Variants in DOCK4 observed in about 807,000 individuals in gnomAD.
DOCK4 encodes dedicator of cytokinesis 4.
A neutral mutation model predicts 268.1 loss-of-function variants in DOCK4; 97 were observed. The observed-to-expected ratio is 0.36, with a 90% CI of 0.31 to 0.43. DOCK4 has a LOEUF of 0.43. DOCK4 is among the 20% of genes least tolerant of loss of function. DOCK4 has a pLI of 1.00. For missense variants in DOCK4, 2,145 were observed against 2,455.7 expected, an observed-to-expected ratio of 0.87 and a Z score of 2.67; for synonymous variants, 954 against 887.2, an observed-to-expected ratio of 1.08 and a Z score of -1.34.
intron 1 of DOCK4, among the ~76,000 whole-genome samples, chr7:112,015,977 G>A (rs1430403200): frequency 1.3e-5 from 2 of 152,150 alleles, no homozygotes; most frequent in African/African-American, 4.8e-5. Context: ...CATTTCTTAA[G>A]GTCCCACCTC....
At chr7:111,833,032 T>G (rs1802963300) in intron 26 of DOCK4, among the ~76,000 whole-genome samples, 2 of 152,214 alleles carry the variant, frequency 1.3e-5, no homozygotes. Context: ...ATTCCCAGGC[T>G]CCATAAAAAT....
intron 26 of DOCK4, among the ~76,000 whole-genome samples, chr7:111,832,856 C>T (rs1802949176): frequency 6.6e-6 from 1 of 152,212 alleles, no homozygotes; most frequent in Non-Finnish European, 1.5e-5. Context: ...TATAATTGTC[C>T]TTGGAAGAGG....
In DOCK4 at chr7:112,149,367, G is replaced by A. The variant is rs113783418; in HGVS notation, c.37+56735C>T. Reference sequence around the variant, plus strand: ...AGGACAATCATGTTTTCAGCAACTGGGCCTTTCAGAGTACAGATTCTGAGC... The same window carrying A: ...AGGACAATCATGTTTTCAGCAACTGAGCCTTTCAGAGTACAGATTCTGAGC... On this transcript the variant is annotated intron_variant, in intron 1 of 52. Coordinates refer to ENST00000428084, the MANE Select transcript of DOCK4 (RefSeq NM_001363540.2). 6.7e-3 allele frequency among the ~76,000 whole-genome samples: 1,025 copies of A among 152,096 alleles called. 17 individuals are homozygous for A. The highest frequency in any genetic ancestry group is 4.4e-3 in the Non-Finnish European group (302 of 67,988).
At chr7:112,029,254 A>G (rs998589249) in intron 1 of DOCK4, among the ~76,000 whole-genome samples, 13 of 152,210 alleles carry the variant, frequency 8.5e-5, no homozygotes, top group Admixed American at 7.9e-4. Flanking sequence ...CAAAATCTCA[A>G]TTAAACCTTC....
chr7:111,756,698 C>G (rs923553080), intron 41 of DOCK4, among the ~76,000 whole-genome samples: 2 of 151,750 alleles, frequency 1.3e-5, no homozygotes, highest in African/African-American at 2.4e-5. Flanking sequence ...AAGTGTATTC[C>G]CAAGAGGATA....
chr7:112,185,042 C>T (rs1432045127), intron 1 of DOCK4, among the ~76,000 whole-genome samples: 1 of 152,134 alleles, frequency 6.6e-6, no homozygotes, highest in Non-Finnish European at 1.5e-5. Flanking sequence ...AGCTTAGGAC[C>T]CTTCCCACAC....
At chr7:112,161,181 T>G (rs1042594963) in intron 1 of DOCK4, among the ~76,000 whole-genome samples, 2 of 152,146 alleles carry the variant, frequency 1.3e-5, no homozygotes, top group African/African-American at 4.8e-5. Context: ...TCTAGAACAC[T>G]GAACATATTT....
At chr7:111,908,127 T>C (rs1010114321) in intron 13 of DOCK4, among the ~76,000 whole-genome samples, 2 of 152,162 alleles carry the variant, frequency 1.3e-5, no homozygotes, top group Non-Finnish European at 2.9e-5. Context: ...TCTGTTGATG[T>C]GTATTTCTCT....
intron 1 of DOCK4, among the ~76,000 whole-genome samples, chr7:112,093,119 T>C (rs1478126830): frequency 2.0e-5 from 3 of 152,174 alleles, no homozygotes; most frequent in Non-Finnish European, 4.4e-5. Flanking sequence ...GGTATGCTGC[T>C]GCATCCTTAA....
At chr7:112,169,981 A>G (rs1327191517) in intron 1 of DOCK4, among the ~76,000 whole-genome samples, 1 of 152,196 alleles carries the variant, frequency 6.6e-6, no homozygotes, top group Non-Finnish European at 1.5e-5. Flanking sequence ...TGGGTCTCAC[A>G]GGTTCCAGAT....
intron 1 of DOCK4, among the ~76,000 whole-genome samples, chr7:112,096,670 T>C (rs1351420982): frequency 6.6e-6 from 1 of 152,228 alleles, no homozygotes; most frequent in Non-Finnish European, 1.5e-5. Flanking sequence ...GCCTTTGAAT[T>C]CTACCCAGGA....
chr7:111,972,261 G>A (rs889790817), intron 8 of DOCK4, among the ~76,000 whole-genome samples: 1 of 152,034 alleles, frequency 6.6e-6, no homozygotes, highest in African/African-American at 2.4e-5. Context: ...ATTCTGATGC[G>A]ACTGCTGGTG....
At chr7:111,961,964 A>ATATATAC (rs1330550178) in intron 8 of DOCK4, among the ~76,000 whole-genome samples, 1 of 152,222 alleles carries the variant, frequency 6.6e-6, no homozygotes, top group African/African-American at 2.4e-5. Flanking sequence ...TTCATTAACT[A>ATATATAC]TATATACTAT....
At chr7:111,731,419 A>G in intron 52 of DOCK4, among the ~76,000 whole-genome samples, 1 of 152,192 alleles carries the variant, frequency 6.6e-6, no homozygotes, top group Admixed American at 6.5e-5. Flanking sequence ...GAGCGTGTAA[A>G]TCCTAAGTCA....
At chr7:112,200,725 T>A (rs13235097) in intron 1 of DOCK4, among the ~76,000 whole-genome samples, 128 of 102,694 alleles carry the variant, frequency 1.2e-3, no homozygotes, top group East Asian at 2.3e-3. Flanking sequence ...GCCTCTAAAA[T>A]AAAAAAAAAA....
intron 1 of DOCK4, among the ~76,000 whole-genome samples, chr7:112,105,015 A>G (rs1364610796): frequency 6.6e-6 from 1 of 152,236 alleles, no homozygotes; most frequent in Non-Finnish European, 1.5e-5. Flanking sequence ...AAAGACTACT[A>G]GCTTAATATG....
chr7:111,880,888 GC>G lies in DOCK4; in HGVS notation c.1588-3703del, dbSNP rs1462629057. ...ATCCATATGCAGAAGAATGAAACTT[GC>G]TAACTTGCTCCTATCTCTCACTATA... is the stretch of plus-strand genomic sequence containing the variant. On this transcript the variant is annotated intron_variant, in intron 16 of 52. Transcript: ENST00000428084. Among the ~76,000 whole-genome samples, 4 of 44,918 alleles carry G rather than the reference GC, an allele frequency of 8.9e-5. No individual in the cohort carries two copies. The African/African-American group carries it at 1.9e-3, about 21-fold the overall frequency. The allele number at this position is 44,918 out of a possible 152,430, so 29.5% of individuals were successfully genotyped here.
intron 1 of DOCK4, among the ~76,000 whole-genome samples, chr7:112,077,540 A>G (rs1271036742): frequency 6.6e-6 from 1 of 152,160 alleles, no homozygotes; most frequent in Non-Finnish European, 1.5e-5. Flanking sequence ...CGTATTTAGA[A>G]AAAGTCACTA....
intron 35 of DOCK4, among the ~76,000 whole-genome samples, chr7:111,780,117 G>T (rs1359638272): frequency 6.6e-6 from 1 of 152,172 alleles, no homozygotes. Flanking sequence ...AGCAAATGTG[G>T]CTGTTGAAAT....
Sources: gnomAD v4.1 joint callset for allele counts (sites outside exome capture counted in the v4.1 genomes callset) on GRCh38, gnomAD v4.1.1 for gene constraint, MANE v1.5 for transcripts, NCBI Gene and HGNC (gene_info 2026-07-23, HGNC 2026-07-21) for gene names.